RGS9: variants seen among roughly 807,000 people sequenced by gnomAD.
RGS9 encodes the protein regulator of G protein signaling 9.
Under a neutral mutation model 102.0 loss-of-function variants are expected in RGS9, and 78 were observed. That is an observed-to-expected ratio of 0.76 (90% CI 0.64 to 0.92). The LOEUF (loss-of-function observed/expected upper bound fraction) is 0.92. Among genes scored for constraint, RGS9 ranks in the 40% least tolerant of loss-of-function variants. The pLI, the probability that RGS9 is intolerant of heterozygous loss-of-function variation, is 0.00. For missense variants in RGS9, 833 were observed against 866.1 expected (o/e 0.96, Z 0.48); for synonymous variants, 353 against 318.6 (o/e 1.11, Z -1.15).
At chr17:65,177,671 A>G in intron 8 of RGS9, 61 bp from the exon 9 acceptor site, 1 of 1,487,314 alleles carries the variant, frequency 6.7e-7, no homozygotes, top group African/African-American at 1.4e-5. Flanking sequence ...CAAGACCCAC[A>G]GTTAACCAGA....
At chr17:65,215,497 G>GTTCTTTCTCTCTTTCTTTCT (rs1913478076) in intron 17 of RGS9, among the ~76,000 whole-genome samples, 1 of 133,554 alleles carries the variant, frequency 7.5e-6, no homozygotes, top group South Asian at 2.5e-4. Context: ...TCGTTCTTTC[G>GTTCTTTCTCTCTTTCTTTCT]TTCTTTCTTT....
intron 13 of RGS9, among the ~76,000 whole-genome samples, chr17:65,201,566 G>A (rs1912846363): frequency 6.6e-6 from 1 of 152,214 alleles, no homozygotes; most frequent in African/African-American, 2.4e-5. Context: ...GCCTATTCAT[G>A]TGCGAGCTCG....
intron 2 of RGS9, 37 bp downstream of exon 2, chr17:65,153,555 G>A: frequency 6.6e-7 from 1 of 1,506,918 alleles, no homozygotes; most frequent in Non-Finnish European, 9.2e-7. Flanking sequence ...GCCTGGAATA[G>A]ACCCCACAGG....
chr17:65,144,018 G>A (rs1910259775), intron 1 of RGS9, among the ~76,000 whole-genome samples: 2 of 152,052 alleles, frequency 1.3e-5, no homozygotes, highest in African/African-American at 4.8e-5. Context: ...CGATTCCCAG[G>A]CTTTTGAATC....
At chr17:65,140,379 A>G (rs1910112367) in intron 1 of RGS9, among the ~76,000 whole-genome samples, 1 of 152,170 alleles carries the variant, frequency 6.6e-6, no homozygotes, top group Admixed American at 6.5e-5. Context: ...GCACAGAGGC[A>G]TGGGAAAGCT....
Position 65,177,761 on chromosome 17 carries a change from C to T in RGS9, c.612C>T (p.Gly204=). 1 of 1,614,208 alleles carries T rather than the reference C, an allele frequency of 6.2e-7. No individual in the cohort carries two copies. Among genetic ancestry groups the T allele is most frequent in the Non-Finnish European group, 8.5e-7 (1 of 1,180,012 alleles). Residue 204 remains glycine (G), a synonymous_variant, in exon 9 of 19, where the codon GGC becomes GGT. Transcript: ENST00000262406. ...PPGMDNVLDY[G]LDRVTNPNEV... ...GAATGGACAATGTGCTGGACTACGG[C>T]CTGGACCGAGTGACCAATCCGAATG...
At chr17:65,140,801 G>T (rs1267840382) in intron 1 of RGS9, among the ~76,000 whole-genome samples, 1 of 152,118 alleles carries the variant, frequency 6.6e-6, no homozygotes, top group Non-Finnish European at 1.5e-5. Context: ...CTTGAACCCG[G>T]GAGGTGGAGG....
intron 18 of RGS9, among the ~76,000 whole-genome samples, chr17:65,226,414 G>A (rs1052708117): frequency 1.3e-5 from 2 of 152,168 alleles, no homozygotes; most frequent in African/African-American, 4.8e-5. Context: ...GGGAGAGGGA[G>A]GAGCAGGTGA....
chr17:65,192,638 T>G (rs1222981380), intron 11 of RGS9, among the ~76,000 whole-genome samples: 1 of 151,182 alleles, frequency 6.6e-6, no homozygotes, highest in Non-Finnish European at 1.5e-5. Context: ...AGTTACGAAA[T>G]TACAGCTAGA....
chr17:65,215,219 A>G (rs1314525216), intron 17 of RGS9, among the ~76,000 whole-genome samples: 1 of 152,144 alleles, frequency 6.6e-6, no homozygotes, highest in Non-Finnish European at 1.5e-5. Flanking sequence ...TTCAGAGGAA[A>G]GAAGAGAGAT....
At chr17:65,160,978 C>A in intron 6 of RGS9, 69 bp downstream of exon 6, 1 of 1,263,554 alleles carries the variant, frequency 7.9e-7, no homozygotes, top group Non-Finnish European at 1.2e-6. Context: ...GTACTTTCCT[C>A]ATTCCCACAT....
intron 3 of RGS9, 131 bp from the exon 4 acceptor site, chr17:65,160,102 C>T (rs889873522): frequency 8.9e-6 from 7 of 783,844 alleles, no homozygotes; most frequent in African/African-American, 3.4e-5. Context: ...AACCAGTGTC[C>T]TCACTGCTCA....
chr17:65,163,603 G>A (rs1911068586), intron 7 of RGS9, among the ~76,000 whole-genome samples: 1 of 152,182 alleles, frequency 6.6e-6, no homozygotes. Context: ...TGAAAGAATA[G>A]GCTATGGTGC....
At chr17:65,199,035 A>T (rs1677923877) in intron 13 of RGS9, among the ~76,000 whole-genome samples, 1 of 152,216 alleles carries the variant, frequency 6.6e-6, no homozygotes, top group South Asian at 2.1e-4. Flanking sequence ...ATTTCCCTGC[A>T]TTATTTAAAC....
At chr17:65,155,816 G>T (rs796921602) in intron 2 of RGS9, among the ~76,000 whole-genome samples, 10 of 152,312 alleles carry the variant, frequency 6.6e-5, no homozygotes, top group African/African-American at 2.4e-4. Context: ...GTGCTGGATG[G>T]TGGTGGTAGC....
At chr17:65,169,853 C>G (rs538680427) in intron 8 of RGS9, among the ~76,000 whole-genome samples, 1 of 151,856 alleles carries the variant, frequency 6.6e-6, no homozygotes, top group African/African-American at 2.4e-5. Context: ...CCACCATGAC[C>G]GTCATCCCAC....
chr17:65,181,925 C>A (rs1471966556), intron 9 of RGS9, among the ~76,000 whole-genome samples: 1 of 152,178 alleles, frequency 6.6e-6, no homozygotes, highest in Non-Finnish European at 1.5e-5. Context: ...TGTTGTCATG[C>A]TATGAGAGAG....
chr17:65,152,905 C>T (rs1910633679), intron 1 of RGS9, among the ~76,000 whole-genome samples: 1 of 152,224 alleles, frequency 6.6e-6, no homozygotes, highest in Admixed American at 6.5e-5. Context: ...CTGCAAACTT[C>T]TTCACACTTC....
chr17:65,164,377 G>A (rs1018110762), intron 7 of RGS9, among the ~76,000 whole-genome samples: 2 of 152,212 alleles, frequency 1.3e-5, no homozygotes, highest in South Asian at 2.1e-4. Context: ...AACGTCAAAG[G>A]TTGGTGGGTG....
Sources: allele counts gnomAD v4.1 joint callset (sites outside exome capture counted in the v4.1 genomes callset), GRCh38; gene constraint gnomAD v4.1.1; transcripts MANE v1.5; gene names NCBI Gene and HGNC (gene_info 2026-07-23, HGNC 2026-07-21).